Variants in ROBO2 observed in about 807,000 individuals in gnomAD.
ROBO2 encodes roundabout guidance receptor 2, also known as roundabout homolog 2.
ROBO2 carries 53 observed loss-of-function variants against 160.8 expected under a neutral mutation model. The observed-to-expected ratio is 0.33, with a 90% confidence interval of 0.26 to 0.41. ROBO2 has a LOEUF of 0.41. ROBO2 is among the 10% of genes least tolerant of loss of function. The probability of loss-of-function intolerance (pLI) is 1.00; values close to 1 mark genes in which losing one functional copy is unlikely to be tolerated. For synonymous variants in ROBO2, 664 were observed against 611.7 expected, an observed-to-expected ratio of 1.09 and a Z score of -1.26; for missense variants, 1,577 against 1,722.4, an observed-to-expected ratio of 0.92 and a Z score of 1.49.
intron 23 of ROBO2, chr3:77,632,463 T>G (rs2095183636): frequency 2.0e-6 from 3 of 1,523,226 alleles, no homozygotes; most frequent in East Asian, 2.5e-5. Context: ...GACAACTACA[T>G]TTGTTTTTAG....
chr3:76,186,832 A>C (rs1701788123), intron 2 of ROBO2, among the ~76,000 whole-genome samples: 2 of 152,068 alleles, frequency 1.3e-5, no homozygotes, highest in African/African-American at 2.4e-5. Context: ...CACTCTTCAA[A>C]GTCATTAACA....
intron 17 of ROBO2, 43 bp from the exon 19 acceptor site, chr3:77,595,099 A>G: frequency 6.6e-7 from 1 of 1,511,240 alleles, no homozygotes; most frequent in Non-Finnish European, 9.2e-7. Flanking sequence ...ATTAATATTG[A>G]CTACTTGTGT....
intron 2 of ROBO2, among the ~76,000 whole-genome samples, chr3:76,439,542 C>G (rs537503591): frequency 6.6e-6 from 1 of 152,056 alleles, no homozygotes; most frequent in Non-Finnish European, 1.5e-5. Flanking sequence ...TAAACGATCT[C>G]CAGGCAGAGA....
intron 2 of ROBO2, among the ~76,000 whole-genome samples, chr3:76,063,351 T>TC (rs1030386558): frequency 6.0e-5 from 9 of 151,188 alleles, no homozygotes; most frequent in Non-Finnish European, 1.3e-4. Context: ...CCCTTTTTTT[T>TC]TTTTTTTTTG....
At chr3:77,132,709 T>G (rs1390566989) in intron 2 of ROBO2, among the ~76,000 whole-genome samples, 1 of 152,198 alleles carries the variant, frequency 6.6e-6, no homozygotes, top group South Asian at 2.1e-4. Context: ...TTTTTTTTTT[T>G]TAAGTACAAG....
intron 2 of ROBO2, among the ~76,000 whole-genome samples, chr3:76,270,647 A>G (rs551581007): frequency 2.6e-5 from 4 of 152,072 alleles, no homozygotes; most frequent in Non-Finnish European, 5.9e-5. Context: ...CTGATACAAA[A>G]GCAATGTTGG....
rs264541 is a variant in ROBO2, at chr3:76,723,253, T to C, written c.110-374761T>C. Among the ~76,000 whole-genome samples, 932 of 152,258 alleles carry C rather than the reference T, an allele frequency of 6.1e-3. 9 individuals carry two copies. Among genetic ancestry groups the C allele is most frequent in the African/African-American group, 0.021 (871 of 41,552 alleles). Reference sequence around the variant, plus strand: ...AAATAAAATATGCTATTAAGGTAAGTTTCTATCAACTGATTAAATGCCAAG... The same window carrying C: ...AAATAAAATATGCTATTAAGGTAAGCTTCTATCAACTGATTAAATGCCAAG... On this transcript the variant is annotated intron_variant, in intron 2 of 26. Coordinates refer to the ROBO2 transcript ENST00000487694.
chr3:76,385,546 CT>C (rs1407152224), intron 2 of ROBO2, among the ~76,000 whole-genome samples: 4 of 152,120 alleles, frequency 2.6e-5, no homozygotes, highest in African/African-American at 7.2e-5. Context: ...AATTGTGTGA[CT>C]TGTATGGAAA....
At chr3:76,092,434 C>T (rs1436466205) in intron 2 of ROBO2, among the ~76,000 whole-genome samples, 4 of 152,102 alleles carry the variant, frequency 2.6e-5, no homozygotes, top group African/African-American at 9.7e-5. Context: ...GTCATTTTCT[C>T]TTCAATAGCT....
At chr3:77,210,951 G>T (rs1474466374) in intron 2 of ROBO2, among the ~76,000 whole-genome samples, 2 of 152,206 alleles carry the variant, frequency 1.3e-5, no homozygotes, top group African/African-American at 2.4e-5. Flanking sequence ...GTATTCCATG[G>T]TGTATATGTG....
chr3:76,513,928 A>G (rs2081229054), intron 2 of ROBO2, among the ~76,000 whole-genome samples: 1 of 152,190 alleles, frequency 6.6e-6, no homozygotes, highest in African/African-American at 2.4e-5. Context: ...CATTAACACT[A>G]CCAAAAATGT....
intron 2 of ROBO2, among the ~76,000 whole-genome samples, chr3:76,305,324 G>A (rs750566213): frequency 3.9e-5 from 5 of 129,646 alleles, no homozygotes; most frequent in Non-Finnish European, 7.9e-5. Context: ...CCAAGAGTTC[G>A]GGGCTACAGT....
intron 2 of ROBO2, among the ~76,000 whole-genome samples, chr3:77,352,602 A>G (rs2068512561): frequency 6.6e-6 from 1 of 152,158 alleles, no homozygotes; most frequent in Non-Finnish European, 1.5e-5. Flanking sequence ...GAAGAAAACT[A>G]TGACACAGAA....
intron 2 of ROBO2, among the ~76,000 whole-genome samples, chr3:76,448,107 A>G (rs1321979594): frequency 1.3e-5 from 2 of 152,012 alleles, no homozygotes; most frequent in African/African-American, 2.4e-5. Flanking sequence ...GAAAAAACAA[A>G]CAAACAAAAA....
chr3:77,422,781 T>C (rs1278180300), intron 2 of ROBO2, among the ~76,000 whole-genome samples: 2 of 152,200 alleles, frequency 1.3e-5, no homozygotes, highest in East Asian at 1.9e-4. Context: ...CCTATGATTA[T>C]ATAATTATAT....
chr3:77,199,684 T>C, intron 2 of ROBO2, among the ~76,000 whole-genome samples: 1 of 148,706 alleles, frequency 6.7e-6, no homozygotes, highest in East Asian at 2.0e-4. Context: ...AGTGCAGTGG[T>C]ACAATTACGG....
intron 2 of ROBO2, among the ~76,000 whole-genome samples, chr3:76,851,891 T>C (rs141856200): frequency 1.6e-4 from 25 of 152,054 alleles, no homozygotes; most frequent in Non-Finnish European, 2.9e-4. Context: ...GTTGGAAGAA[T>C]TGGCTGCTGC....
At chr3:77,172,279 G>T (rs550157635) in intron 2 of ROBO2, among the ~76,000 whole-genome samples, 1 of 152,060 alleles carries the variant, frequency 6.6e-6, no homozygotes. Context: ...TTTCATAATT[G>T]GTCACTGTAG....
At chr3:77,546,119 A>T (rs569160295) in intron 6 of ROBO2, among the ~76,000 whole-genome samples, 1 of 152,276 alleles carries the variant, frequency 6.6e-6, no homozygotes, top group African/African-American at 2.4e-5. Flanking sequence ...ACAATGTACA[A>T]CATATAAAAT....
Sources: gnomAD v4.1 joint callset for allele counts (sites outside exome capture counted in the v4.1 genomes callset) on GRCh38, gnomAD v4.1.1 for gene constraint, MANE v1.5 for transcripts, NCBI Gene and HGNC (gene_info 2026-07-23, HGNC 2026-07-21) for gene names.